The following DLG2 variants were observed in gnomAD, a reference collection of about 807,000 sequenced individuals.
DLG2 encodes the protein disks large homolog 2.
DLG2 carries 45 observed loss-of-function variants against 132.5 expected under a neutral mutation model. That is an observed-to-expected ratio of 0.34 (90% confidence interval 0.27 to 0.44). DLG2 has a LOEUF of 0.44. DLG2 is among the 20% of genes least tolerant of loss of function. The probability of loss-of-function intolerance (pLI) is 1.00; values close to 1 mark genes in which losing one functional copy is unlikely to be tolerated. For synonymous variants in DLG2, 424 were observed against 419.6 expected, an observed-to-expected ratio of 1.01 and a Z score of -0.13; for missense variants, 1,045 against 1,196.9, an observed-to-expected ratio of 0.87 and a Z score of 1.87.
At chr11:84,659,509 G>A (rs975182038) in intron 6 of DLG2, among the ~76,000 whole-genome samples, 3 of 152,122 alleles carry the variant, frequency 2.0e-5, no homozygotes, top group Non-Finnish European at 4.4e-5. Context: ...TTTGGGGCAT[G>A]ACAGTGCTTT....
chr11:85,235,347 A>G (rs978284286), intron 4 of DLG2, among the ~76,000 whole-genome samples: 1 of 151,934 alleles, frequency 6.6e-6, no homozygotes, highest in Non-Finnish European at 1.5e-5. Flanking sequence ...TTGTATGCCT[A>G]TGTCCTTTCA....
chr11:84,469,707 C>G (rs1294961595), intron 7 of DLG2, among the ~76,000 whole-genome samples: 1 of 151,504 alleles, frequency 6.6e-6, no homozygotes, highest in African/African-American at 2.4e-5. Context: ...GGCATGAACA[C>G]ACAACAAATA....
chr11:83,929,801 G>A (rs1364814287), intron 15 of DLG2, among the ~76,000 whole-genome samples: 1 of 152,060 alleles, frequency 6.6e-6, no homozygotes, highest in Non-Finnish European at 1.5e-5. Flanking sequence ...GTGGTGAGAT[G>A]GAACCAACTA....
At chr11:84,316,844 C>A (rs773438833) in intron 7 of DLG2, 44 of 1,612,112 alleles carry the variant, frequency 2.7e-5, no homozygotes, top group Non-Finnish European at 3.7e-5. Context: ...GCTGAACCAA[C>A]CATGTGGGCA....
At chr11:83,493,961 A>C (rs1391894367) in intron 21 of DLG2, among the ~76,000 whole-genome samples, 1 of 152,118 alleles carries the variant, frequency 6.6e-6, no homozygotes, top group East Asian at 1.9e-4. Context: ...TCCAGTGTTA[A>C]GCAATAAAGC....
intron 12 of DLG2, among the ~76,000 whole-genome samples, chr11:83,975,116 T>C (rs71465575): frequency 0.043 from 6,479 of 152,144 alleles, 199 homozygotes; most frequent in Non-Finnish European, 0.068. Context: ...CTGGTTTATA[T>C]AGAAAAAGGG....
rs77185801 is a variant in DLG2, at chr11:85,449,621, T to C, written c.40+149036A>G. ...GATATTTTCTGGTAAGTCTCACTTA[T>C]AGTGATTTATTTCTCATGTATTTTG... On this transcript the variant is annotated intron_variant, in intron 3 of 27. Transcript: ENST00000376104. Among the ~76,000 whole-genome samples, 1,374 of 152,190 alleles carry C rather than the reference T, an allele frequency of 9.0e-3. 20 individuals are homozygous for C. The highest frequency in any genetic ancestry group is 0.031 in the African/African-American group (1,293 of 41,474).
At chr11:83,740,196 A>C (rs1343550134) in intron 18 of DLG2, among the ~76,000 whole-genome samples, 1 of 152,214 alleles carries the variant, frequency 6.6e-6, no homozygotes, top group Non-Finnish European at 1.5e-5. Context: ...TCCAAAGGAC[A>C]TGCACAAAAA....
chr11:84,463,465 C>T (rs536305874), intron 7 of DLG2, among the ~76,000 whole-genome samples: 1 of 151,244 alleles, frequency 6.6e-6, no homozygotes, highest in African/African-American at 2.4e-5. Context: ...GACTGCACTC[C>T]TAATACTCTT....
At chr11:85,391,415 G>A (rs2086788403) in intron 3 of DLG2, among the ~76,000 whole-genome samples, 1 of 152,030 alleles carries the variant, frequency 6.6e-6, no homozygotes, top group African/African-American at 2.4e-5. Flanking sequence ...TAAAGAAGGA[G>A]GGAATCCTCT....
chr11:83,733,812 G>C (rs1349783622), intron 18 of DLG2, among the ~76,000 whole-genome samples: 1 of 152,174 alleles, frequency 6.6e-6, no homozygotes, highest in East Asian at 1.9e-4. Flanking sequence ...GTGCAGTTTT[G>C]TTACATGGAT....
At chr11:83,770,610 G>C (rs371504672) in intron 18 of DLG2, among the ~76,000 whole-genome samples, 2 of 151,922 alleles carry the variant, frequency 1.3e-5, no homozygotes, top group African/African-American at 4.8e-5. Context: ...TGATAAGTGC[G>C]CTTATTTTTT....
intron 3 of DLG2, among the ~76,000 whole-genome samples, chr11:85,350,956 G>A (rs1476238080): frequency 6.6e-6 from 1 of 152,170 alleles, no homozygotes; most frequent in African/African-American, 2.4e-5. Context: ...AAAGTGATTG[G>A]TAGCTTGATG....
At chr11:84,923,750 G>T (rs1394305067) in intron 6 of DLG2, among the ~76,000 whole-genome samples, 2 of 152,122 alleles carry the variant, frequency 1.3e-5, no homozygotes, top group Non-Finnish European at 2.9e-5. Flanking sequence ...GAGGATCATT[G>T]TCATATAAAG....
At chr11:83,771,559 C>A (rs1033344275) in intron 18 of DLG2, among the ~76,000 whole-genome samples, 1 of 152,078 alleles carries the variant, frequency 6.6e-6, no homozygotes, top group Non-Finnish European at 1.5e-5. Flanking sequence ...ATATGTACAG[C>A]ATGTTACTGT....
chr11:83,578,403 A>G (rs950660536), intron 19 of DLG2, among the ~76,000 whole-genome samples: 1 of 152,094 alleles, frequency 6.6e-6, no homozygotes, highest in Non-Finnish European at 1.5e-5. Context: ...CTTAAACCTA[A>G]TGACACCAAC....
chr11:83,845,099 T>C lies in DLG2; in HGVS notation c.1566-11329A>G, dbSNP rs76864376. Reference sequence around the variant, plus strand: ...CTGTAGATGGAAGGCCCAGATCTAGTATAACGACAACCCAAAAAGGGTCTA... The same window carrying C: ...CTGTAGATGGAAGGCCCAGATCTAGCATAACGACAACCCAAAAAGGGTCTA... On this transcript the variant is annotated intron_variant, in intron 16 of 27. Transcript: ENST00000376104. Among the ~76,000 whole-genome samples the C allele has an allele frequency of 3.6e-3, 555 of 152,142 alleles. 7 individuals carry two copies. The highest frequency in any genetic ancestry group is 0.013 in the African/African-American group (533 of 41,488).
At chr11:83,818,581 A>G (rs951361844) in intron 17 of DLG2, among the ~76,000 whole-genome samples, 1 of 152,204 alleles carries the variant, frequency 6.6e-6, no homozygotes, top group Non-Finnish European at 1.5e-5. Flanking sequence ...AGAAGCCCCT[A>G]TCAAGTTCGT....
chr11:84,816,091 T>G (rs931117230), intron 6 of DLG2, among the ~76,000 whole-genome samples: 1 of 152,022 alleles, frequency 6.6e-6, no homozygotes, highest in Non-Finnish European at 1.5e-5. Flanking sequence ...CTCTGCATCA[T>G]AGAGTGGCAC....
Sources: allele counts gnomAD v4.1 joint callset (sites outside exome capture counted in the v4.1 genomes callset), GRCh38; gene constraint gnomAD v4.1.1; transcripts MANE v1.5; gene names NCBI Gene and HGNC (gene_info 2026-07-23, HGNC 2026-07-21).